LHFPL3: variants seen among roughly 807,000 people sequenced by gnomAD.
LHFPL3 encodes the protein LHFPL tetraspan subfamily member 3 protein.
LHFPL3 carries 5 observed loss-of-function variants against 19.3 expected under a neutral mutation model. That is an observed-to-expected ratio of 0.26 (90% CI 0.14 to 0.54). LHFPL3 has a LOEUF of 0.54. LHFPL3 is among the 20% of genes least tolerant of loss of function. LHFPL3 has a pLI of 0.94. For synonymous variants in LHFPL3, 133 were observed against 126.2 expected (o/e 1.05, Z -0.36); for missense variants, 249 against 307.4 (o/e 0.81, Z 1.42).
At chr7:104,585,199 C>T (rs1790542456) in intron 1 of LHFPL3, among the ~76,000 whole-genome samples, 1 of 152,046 alleles carries the variant, frequency 6.6e-6, no homozygotes. Context: ...CTGTCACAGC[C>T]TTTTATGGTA....
chr7:104,606,992 A>T (rs1217362522), intron 1 of LHFPL3, among the ~76,000 whole-genome samples: 2 of 152,156 alleles, frequency 1.3e-5, no homozygotes, highest in Admixed American at 6.5e-5. Context: ...TACAATACTG[A>T]TGTTATCTAT....
chr7:104,634,575 A>G (rs1791699544), intron 1 of LHFPL3, among the ~76,000 whole-genome samples: 1 of 152,090 alleles, frequency 6.6e-6, no homozygotes, highest in Non-Finnish European at 1.5e-5. Context: ...GGGGGGATTA[A>G]GTCAGTATCT....
In LHFPL3 at chr7:104,554,688, T is replaced by TAGATAGAC. The variant is rs1554406558; in HGVS notation, c.446-181984_446-181983insTAGACAGA. 4.3e-3 allele frequency among the ~76,000 whole-genome samples: 520 copies of TAGATAGAC among 120,992 alleles called. 14 individuals carry two copies. Among genetic ancestry groups the TAGATAGAC allele is most frequent in the Non-Finnish European group, 5.3e-3 (307 of 57,616 alleles). 79.4% of individuals were successfully genotyped at this position (120,992 alleles called of 152,430 possible). ...ATAGATAGATAGATAGATAGATAGA[T>TAGATAGAC]AGACAGACAGATGATGAGAGGGGAT... On this transcript the variant is annotated intron_variant, in intron 1 of 2. Coordinates refer to ENST00000424859, the MANE Select transcript of LHFPL3 (RefSeq NM_199000.3).
intron 2 of LHFPL3, among the ~76,000 whole-genome samples, chr7:104,768,341 G>A (rs1011661600): frequency 6.6e-6 from 1 of 152,098 alleles, no homozygotes; most frequent in Non-Finnish European, 1.5e-5. Context: ...AGAGGGCAAC[G>A]TATCATTGGC....
chr7:104,648,934 A>G (rs771059231), intron 1 of LHFPL3, among the ~76,000 whole-genome samples: 15 of 152,200 alleles, frequency 9.9e-5, no homozygotes, highest in Non-Finnish European at 1.5e-4. Flanking sequence ...TCTGTCCGCC[A>G]TCCAACACAA....
chr7:104,843,321 C>G (rs117952381), intron 2 of LHFPL3, among the ~76,000 whole-genome samples: 1 of 152,222 alleles, frequency 6.6e-6, no homozygotes, highest in African/African-American at 2.4e-5. Flanking sequence ...CAGATAAACA[C>G]GCACACTTCC....
intron 2 of LHFPL3, among the ~76,000 whole-genome samples, chr7:104,811,402 A>C (rs1196864988): frequency 1.3e-5 from 2 of 151,954 alleles, no homozygotes; most frequent in Non-Finnish European, 2.9e-5. Flanking sequence ...GGTCTCACCA[A>C]GTTTCCCAGG....
intron 1 of LHFPL3, among the ~76,000 whole-genome samples, chr7:104,556,226 G>T (rs1789828281): frequency 6.6e-6 from 1 of 152,210 alleles, no homozygotes; most frequent in Non-Finnish European, 1.5e-5. Context: ...GCCCCAGTAA[G>T]GAATCTGTGG....
At chr7:104,759,367 ATTT>A (rs368619799) in intron 2 of LHFPL3, among the ~76,000 whole-genome samples, 2 of 151,038 alleles carry the variant, frequency 1.3e-5, no homozygotes, top group African/African-American at 2.4e-5. Context: ...CACAGTTTAA[ATTT>A]TTTTTTAAAA....
intron 2 of LHFPL3, among the ~76,000 whole-genome samples, chr7:104,743,240 A>C (rs1793970950): frequency 6.6e-6 from 1 of 152,172 alleles, no homozygotes; most frequent in Non-Finnish European, 1.5e-5. Context: ...CCATACACTC[A>C]TACCACCAAG....
At chr7:104,599,094 A>G (rs966949391) in intron 1 of LHFPL3, among the ~76,000 whole-genome samples, 24 of 152,186 alleles carry the variant, frequency 1.6e-4, no homozygotes, top group African/African-American at 5.8e-4. Context: ...AAATAGGCAA[A>G]TATTCTGCCA....
Position 104,453,765 on chromosome 7 carries a change from CTG to C in LHFPL3, c.445+124542_445+124543del, listed in dbSNP as rs1487066753. 7.2e-5 allele frequency among the ~76,000 whole-genome samples: 11 copies of C among 152,194 alleles called. No homozygotes were observed. In the East Asian group the frequency reaches 2.1e-3, roughly 30 times the overall value. On this transcript the variant is annotated intron_variant, in intron 1 of 2. Coordinates refer to ENST00000424859, the MANE Select transcript of LHFPL3 (RefSeq NM_199000.3). ...CCTTGGTGATAAGTAAGCTGTCACTCTGAGTTCTCATGAGATCTGGTCATTTA... is the reference window on the plus strand; with the variant it reads ...CCTTGGTGATAAGTAAGCTGTCACTCAGTTCTCATGAGATCTGGTCATTTA...
rs1584552231 is a variant in LHFPL3, at chr7:104,818,885, G to A, written c.682+81974G>A. On this transcript the variant is annotated intron_variant, in intron 2 of 2. Transcript: ENST00000424859. ...ATCTTTAACTATTTGCTTGTTTTGG[G>A]GTTTCCTCCTCTTTTTTAATCTCTG... Among the ~76,000 whole-genome samples, 4 of 151,120 alleles carry A rather than the reference G, an allele frequency of 2.6e-5. No individual in the cohort carries two copies. In the South Asian group the frequency reaches 6.3e-4, roughly 24 times the overall value.
chr7:104,682,513 C>G (rs1429799578), intron 1 of LHFPL3, among the ~76,000 whole-genome samples: 2 of 152,192 alleles, frequency 1.3e-5, no homozygotes, highest in African/African-American at 2.4e-5. Flanking sequence ...CCTGACAGCA[C>G]TCAATGAAAT....
chr7:104,850,818 C>G (rs892868392), intron 2 of LHFPL3, among the ~76,000 whole-genome samples: 1 of 151,656 alleles, frequency 6.6e-6, no homozygotes, highest in African/African-American at 2.4e-5. Flanking sequence ...AGAGCCACTG[C>G]TCCAAACACT....
At chr7:104,405,855 C>A (rs143584076) in intron 1 of LHFPL3, among the ~76,000 whole-genome samples, 1,718 of 152,274 alleles carry the variant, frequency 0.011, 31 homozygotes, top group African/African-American at 0.039. Context: ...GGGGCATTCA[C>A]TTCCTATAAT....
At position 104,377,550 on chromosome 7, in the gene LHFPL3, G is replaced by A. The variant is rs193197910; in HGVS notation, c.445+48326G>A. ...CTTTGGAATCAAGTCTTAAGGAAAT[G>A]ACAGAGTCTTTTGCTTAGAGTACTT... On this transcript the variant is annotated intron_variant, in intron 1 of 2. Coordinates refer to ENST00000424859, the MANE Select transcript of LHFPL3 (RefSeq NM_199000.3). 3.6e-3 allele frequency among the ~76,000 whole-genome samples: 550 copies of A among 152,308 alleles called. 5 individuals are homozygous for A. Among genetic ancestry groups the A allele is most frequent in the Non-Finnish European group, 4.6e-3 (313 of 68,024 alleles).
chr7:104,857,836 T>C (rs1227561024), intron 2 of LHFPL3, among the ~76,000 whole-genome samples: 2 of 152,204 alleles, frequency 1.3e-5, no homozygotes, highest in Admixed American at 6.5e-5. Context: ...TAATTCCTAA[T>C]AAATAAAGAC....
chr7:104,393,522 C>A (rs1341817514), intron 1 of LHFPL3, among the ~76,000 whole-genome samples: 1 of 151,890 alleles, frequency 6.6e-6, no homozygotes, highest in Non-Finnish European at 1.5e-5. Flanking sequence ...TCGAGACCAG[C>A]CTGATCAACA....
Sources: allele counts gnomAD v4.1 joint callset (sites outside exome capture counted in the v4.1 genomes callset), GRCh38; gene constraint gnomAD v4.1.1; transcripts MANE v1.5; gene names NCBI Gene and HGNC (gene_info 2026-07-23, HGNC 2026-07-21).